ZDHHC14: variants seen among roughly 807,000 people sequenced by gnomAD.
ZDHHC14 encodes zDHHC palmitoyltransferase 14.
In ZDHHC14, 16 loss-of-function variants were observed where a neutral mutation model predicts 47.7. The ratio of observed to expected loss-of-function variants is 0.34; its 90% CI spans 0.23 to 0.51. The LOEUF is 0.51. ZDHHC14 is among the 20% of genes least tolerant of loss of function. The pLI, the probability that ZDHHC14 is intolerant of heterozygous loss-of-function variation, is 0.97. For synonymous variants in ZDHHC14, 293 were observed against 278.9 expected, an observed-to-expected ratio of 1.05 and a Z score of -0.50; for missense variants, 515 against 662.5, an observed-to-expected ratio of 0.78 and a Z score of 2.44.
chr6:157,389,822 GC>G (rs1307936057), intron 1 of ZDHHC14, among the ~76,000 whole-genome samples: 1 of 151,838 alleles, frequency 6.6e-6, no homozygotes, highest in Non-Finnish European at 1.5e-5. Flanking sequence ...ATGCTATAAA[GC>G]CAGTAATGTT....
Position 157,542,494 on chromosome 6 carries a change from T to C in ZDHHC14, c.246-91T>C, listed in dbSNP as rs144185520. The C allele has an allele frequency of 3.2e-5, 47 of 1,461,296 alleles. No homozygotes were observed. The African/African-American group carries it at 6.5e-4, about 20-fold the overall frequency. The allele number at this position is 1,461,296 out of a possible 1,614,324, so 90.5% of individuals were successfully genotyped here. The stretch of plus-strand genomic sequence containing the variant: ...CTCTCCTCCAAATAAGCTTTTGATT[T>C]CTTAGAAGATAAAGACTGCTTACTG... On this transcript the variant is annotated intron_variant, in intron 1 of 8. Coordinates refer to ENST00000359775, the MANE Select transcript of ZDHHC14 (RefSeq NM_024630.3).
In ZDHHC14 at chr6:157,651,818, C is replaced by T. The variant is rs553091793; in HGVS notation, c.966-1707C>T. Among the ~76,000 whole-genome samples the T allele has an allele frequency of 2.6e-5, 4 of 152,256 alleles. No individual in the cohort carries two copies. The South Asian group carries it at 6.2e-4, about 24-fold the overall frequency. On this transcript the variant is annotated intron_variant, in intron 7 of 8. Transcript: ENST00000359775. ...AACTCCTGACCTCCGGTGATCTGCCCGCCTTGGCCTCCCAAAGTGCTAGGA... is the reference window on the plus strand; with the variant it reads ...AACTCCTGACCTCCGGTGATCTGCCTGCCTTGGCCTCCCAAAGTGCTAGGA...
chr6:157,632,683 A>G (rs1436910533), intron 4 of ZDHHC14, 151 bp from the exon 5 acceptor site: 4 of 772,466 alleles, frequency 5.2e-6, no homozygotes, highest in East Asian at 2.5e-5. Flanking sequence ...TGGCATCTCA[A>G]TCTCTGATCG....
intron 2 of ZDHHC14, among the ~76,000 whole-genome samples, chr6:157,587,219 T>C (rs1783728791): frequency 6.6e-6 from 1 of 152,204 alleles, no homozygotes; most frequent in African/African-American, 2.4e-5. Flanking sequence ...ATTTCACAGC[T>C]GACATTAGGA....
chr6:157,568,672 C>A (rs559175938), intron 2 of ZDHHC14, among the ~76,000 whole-genome samples: 23 of 152,274 alleles, frequency 1.5e-4, no homozygotes, highest in African/African-American at 5.3e-4. Flanking sequence ...CCAAAAGATA[C>A]ATACGTTTTT....
chr6:157,562,760 T>C (rs1020130553), intron 2 of ZDHHC14, among the ~76,000 whole-genome samples: 3 of 152,046 alleles, frequency 2.0e-5, no homozygotes, highest in Non-Finnish European at 2.9e-5. Context: ...TCCTCACATA[T>C]ATAGGGAGCG....
intron 3 of ZDHHC14, among the ~76,000 whole-genome samples, chr6:157,595,174 A>ATTTTTTTTTTTTTTTTTTTTTTTTTTTTT (rs777568494): frequency 1.6e-5 from 1 of 62,700 alleles, no homozygotes; most frequent in African/African-American, 7.4e-5. Context: ...TCTAGGCTAG[A>ATTTTTTTTTTTTTTTTTTTTTTTTTTTTT]TTTTTTTTTT....
At chr6:157,485,936 C>T (rs1202725808) in intron 1 of ZDHHC14, among the ~76,000 whole-genome samples, 1 of 152,180 alleles carries the variant, frequency 6.6e-6, no homozygotes, top group African/African-American at 2.4e-5. Context: ...TTGCTTGAAC[C>T]CAGGAAGTGG....
At chr6:157,580,296 T>G (rs9457852) in intron 2 of ZDHHC14, among the ~76,000 whole-genome samples, 29,110 of 152,132 alleles carry the variant, frequency 0.19, 3,532 homozygotes, top group East Asian at 0.51. Flanking sequence ...AGATTCAGTT[T>G]ATTAGTATTT....
intron 1 of ZDHHC14, among the ~76,000 whole-genome samples, chr6:157,499,848 T>C (rs947678114): frequency 6.6e-6 from 1 of 152,238 alleles, no homozygotes; most frequent in Non-Finnish European, 1.5e-5. Context: ...ACAAATCGAT[T>C]GATTGATTCA....
At chr6:157,421,896 C>T (rs750915841) in intron 1 of ZDHHC14, among the ~76,000 whole-genome samples, 2 of 152,162 alleles carry the variant, frequency 1.3e-5, no homozygotes, top group African/African-American at 2.4e-5. Flanking sequence ...GTGTGAGCCA[C>T]CGCGCCCGGC....
At chr6:157,418,523 G>A (rs1030282473) in intron 1 of ZDHHC14, among the ~76,000 whole-genome samples, 1 of 152,164 alleles carries the variant, frequency 6.6e-6, no homozygotes, top group African/African-American at 2.4e-5. Flanking sequence ...CTTTATCTAG[G>A]AAGGATGTCC....
Position 157,676,958 on chromosome 6 carries a change from A to C in ZDHHC14, c.*3836A>C, listed in dbSNP as rs1778979693. 6.6e-6 allele frequency: 1 copy of C among 152,256 alleles called. No individual in the cohort carries two copies. The highest frequency in any genetic ancestry group is 2.4e-5 in the African/African-American group (1 of 41,468). The allele number at this position is 152,256 out of a possible 1,614,324, so 9.4% of individuals were successfully genotyped here. A position where few individuals can be genotyped will look rare whatever the true frequency, so the allele number is the denominator to read the frequency against. On this transcript the variant is annotated 3_prime_UTR_variant, in exon 9 of 9. Coordinates refer to ENST00000359775, the MANE Select transcript of ZDHHC14 (RefSeq NM_024630.3). ...AGCTGCCCTTCATCCATCCACAAGA[A>C]TACATTGAGTTCATTTAGTTCTTGA...
In ZDHHC14 at chr6:157,427,162, T is replaced by C. The variant is rs1778240193; in HGVS notation, c.245+44896T>C. On this transcript the variant is annotated intron_variant, in intron 1 of 8. Transcript: ENST00000359775. The surrounding 1 kb of genome is among the most constrained non-coding windows in gnomAD (Gnocchi z 4.4). ...GCTCAGGCGTAGACCTGGAGGGGCA[T>C]CGGGCCTGGGAGCACAGGAGGAAGG... is the stretch of plus-strand genomic sequence containing the variant. 6.6e-6 allele frequency among the ~76,000 whole-genome samples: 1 copy of C among 151,584 alleles called. No individual in the cohort carries two copies. The highest frequency in any genetic ancestry group is 2.4e-5 in the African/African-American group (1 of 41,224).
chr6:157,409,732 A>C (rs1011863606), intron 1 of ZDHHC14, among the ~76,000 whole-genome samples: 1 of 152,164 alleles, frequency 6.6e-6, no homozygotes, highest in African/African-American at 2.4e-5. Flanking sequence ...TCATGATCCC[A>C]TGAAAGTGTT....
intron 4 of ZDHHC14, chr6:157,631,382 G>T (rs958478635): frequency 1.3e-5 from 2 of 152,186 alleles, no homozygotes; most frequent in African/African-American, 4.8e-5. Flanking sequence ...AATATCCTGG[G>T]CAAAAGCAAA....
At chr6:157,444,494 A>G (rs1693817141) in intron 1 of ZDHHC14, among the ~76,000 whole-genome samples, 1 of 152,130 alleles carries the variant, frequency 6.6e-6, no homozygotes. Flanking sequence ...CCTGACGAAC[A>G]TGGTGAAACC....
chr6:157,432,183 G>A (rs1203170043), intron 1 of ZDHHC14, among the ~76,000 whole-genome samples: 1 of 152,166 alleles, frequency 6.6e-6, no homozygotes, highest in Non-Finnish European at 1.5e-5. Context: ...AAATTTGTGT[G>A]AGGTGCCGTT....
chr6:157,453,443 C>T (rs1444824223), intron 1 of ZDHHC14, among the ~76,000 whole-genome samples: 1 of 152,144 alleles, frequency 6.6e-6, no homozygotes, highest in Non-Finnish European at 1.5e-5. Flanking sequence ...TCACTTGAAC[C>T]ATCAAAGGGC....
Sources: allele counts gnomAD v4.1 joint callset (sites outside exome capture counted in the v4.1 genomes callset), GRCh38; gene constraint gnomAD v4.1.1; non-coding constraint Gnocchi (gnomAD v3.1); transcripts MANE v1.5; gene names NCBI Gene and HGNC (gene_info 2026-07-23, HGNC 2026-07-21).